Variants in MGAT4C observed in about 807,000 individuals in gnomAD.
MGAT4C encodes alpha-1,3-mannosyl-glycoprotein 4-beta-N-acetylglucosaminyltransferase C.
A neutral mutation model predicts 40.1 loss-of-function variants in MGAT4C; 19 were observed. The observed-to-expected ratio is 0.47, with a 90% CI of 0.33 to 0.70. The LOEUF (loss-of-function observed/expected upper bound fraction) is 0.70, where lower values mean the gene tolerates loss of function less well. Ranked by LOEUF, MGAT4C falls within the 30% of genes least tolerant of loss-of-function variation. The probability of loss-of-function intolerance (pLI) is 0.02; values close to 1 mark genes in which losing one functional copy is unlikely to be tolerated. For missense variants in MGAT4C, 491 were observed against 563.2 expected, an observed-to-expected ratio of 0.87 and a Z score of 1.30; for synonymous variants, 181 against 187.1, an observed-to-expected ratio of 0.97 and a Z score of 0.27.
At chr12:86,235,637 T>C (rs2136027948) in intron 1 of MGAT4C, among the ~76,000 whole-genome samples, 1 of 152,232 alleles carries the variant, frequency 6.6e-6, no homozygotes, top group South Asian at 2.1e-4. Context: ...TGCCATATCA[T>C]TGTACTTGGC....
At chr12:86,769,572 T>G (rs910042026) in intron 1 of MGAT4C, among the ~76,000 whole-genome samples, 1 of 152,156 alleles carries the variant, frequency 6.6e-6, no homozygotes, top group Non-Finnish European at 1.5e-5. Flanking sequence ...ACACGTATGT[T>G]TATTGCAGCA....
At chr12:86,361,279 C>A (rs1421839648) in intron 3 of MGAT4C, among the ~76,000 whole-genome samples, 1 of 152,110 alleles carries the variant, frequency 6.6e-6, no homozygotes, top group African/African-American at 2.4e-5. Flanking sequence ...TACTGGCTAG[C>A]CATACGTAGA....
chr12:86,748,754 A>AT (rs1039506639), intron 1 of MGAT4C, among the ~76,000 whole-genome samples: 11 of 151,614 alleles, frequency 7.3e-5, no homozygotes, highest in African/African-American at 7.2e-5. Context: ...CTAGAGTTGG[A>AT]TTTTTTTTAA....
chr12:86,453,590 G>T (rs1957461813), intron 2 of MGAT4C, among the ~76,000 whole-genome samples: 1 of 151,996 alleles, frequency 6.6e-6, no homozygotes, highest in African/African-American at 2.4e-5. Context: ...ATGACATTGA[G>T]AACTTGACTC....
intron 1 of MGAT4C, among the ~76,000 whole-genome samples, chr12:86,076,326 G>A (rs1032129973): frequency 6.6e-6 from 1 of 152,002 alleles, no homozygotes; most frequent in African/African-American, 2.4e-5. Context: ...CAGCATTTTG[G>A]GCAAAGTCAT....
chr12:86,810,887 A>G (rs1952458534), intron 1 of MGAT4C, among the ~76,000 whole-genome samples: 1 of 152,048 alleles, frequency 6.6e-6, no homozygotes, highest in African/African-American at 2.4e-5. Flanking sequence ...TCCCTCTTCT[A>G]AAATTGCTAA....
intron 1 of MGAT4C, among the ~76,000 whole-genome samples, chr12:86,154,527 A>G (rs1884674249): frequency 6.6e-6 from 1 of 152,190 alleles, no homozygotes; most frequent in Non-Finnish European, 1.5e-5. Flanking sequence ...TCTGTAAAAA[A>G]TAAACTTGCT....
chr12:86,824,058 G>C (rs1593241249), intron 1 of MGAT4C, among the ~76,000 whole-genome samples: 1 of 151,266 alleles, frequency 6.6e-6, no homozygotes, highest in Non-Finnish European at 1.5e-5. Context: ...CCACTGTCCT[G>C]CACCATCCTA....
chr12:86,672,617 AGGAC>A (rs1964286702), intron 2 of MGAT4C, among the ~76,000 whole-genome samples: 1 of 152,190 alleles, frequency 6.6e-6, no homozygotes, highest in Non-Finnish European at 1.5e-5. Context: ...AGAAATTCAA[AGGAC>A]CATTAGTGGA....
rs1367237026 is a variant in MGAT4C at position 86,642,056 on chromosome 12, A to C, written c.-229+85153T>G. 2.0e-5 allele frequency among the ~76,000 whole-genome samples: 3 copies of C among 151,990 alleles called. No individual in the cohort carries two copies. In the East Asian group the frequency reaches 5.8e-4, roughly 30 times the overall value. On this transcript the variant is annotated intron_variant, in intron 2 of 7. Transcript: ENST00000548651. Reference sequence around the variant, plus strand: ...CATGCTACTTAAAAATGCAAGAACGAAATAGGAATGACAAATAGAAAGAGA... The same window carrying C: ...CATGCTACTTAAAAATGCAAGAACGCAATAGGAATGACAAATAGAAAGAGA...
intron 1 of MGAT4C, among the ~76,000 whole-genome samples, chr12:86,830,183 C>T (rs1952893922): frequency 6.6e-6 from 1 of 151,480 alleles, no homozygotes; most frequent in Non-Finnish European, 1.5e-5. Flanking sequence ...GTCAGTCCAT[C>T]CATCTCTTTC....
chr12:86,528,261 A>C (rs1958918606), intron 2 of MGAT4C, among the ~76,000 whole-genome samples: 1 of 152,044 alleles, frequency 6.6e-6, no homozygotes, highest in Non-Finnish European at 1.5e-5. Context: ...AGTAATTATA[A>C]TGTTGGTCTC....
intron 1 of MGAT4C, among the ~76,000 whole-genome samples, chr12:86,220,736 A>G (rs917223058): frequency 6.6e-6 from 1 of 152,184 alleles, no homozygotes; most frequent in Non-Finnish European, 1.5e-5. Flanking sequence ...TGGACTAAAT[A>G]TTCTGACAGT....
At chr12:86,588,082 G>T (rs1377180367) in intron 2 of MGAT4C, among the ~76,000 whole-genome samples, 1 of 151,676 alleles carries the variant, frequency 6.6e-6, no homozygotes, top group East Asian at 2.0e-4. Context: ...ATTGGCTGTG[G>T]GTCTGTCATA....
At chr12:86,634,828 C>T (rs1191974515) in intron 2 of MGAT4C, among the ~76,000 whole-genome samples, 1 of 152,122 alleles carries the variant, frequency 6.6e-6, no homozygotes, top group Admixed American at 6.6e-5. Context: ...TTTCCATATT[C>T]TTTACCATAT....
chr12:86,707,090 C>T (rs1950471660), intron 2 of MGAT4C, among the ~76,000 whole-genome samples: 1 of 152,144 alleles, frequency 6.6e-6, no homozygotes, highest in Non-Finnish European at 1.5e-5. Context: ...AACCTCTCTC[C>T]TTTGTAAATT....
At chr12:86,284,247 G>A (rs1953290454) in intron 4 of MGAT4C, among the ~76,000 whole-genome samples, 1 of 151,624 alleles carries the variant, frequency 6.6e-6, no homozygotes, top group African/African-American at 2.4e-5. Flanking sequence ...TAAAAATAAA[G>A]GTATCCTTTA....
intron 3 of MGAT4C, among the ~76,000 whole-genome samples, chr12:86,377,730 T>A (rs1035848761): frequency 6.6e-6 from 1 of 152,188 alleles, no homozygotes; most frequent in Non-Finnish European, 1.5e-5. Context: ...CTTAACAGTT[T>A]TTAAGTATGC....
At chr12:86,572,823 A>C (rs908366466) in intron 2 of MGAT4C, among the ~76,000 whole-genome samples, 1 of 151,686 alleles carries the variant, frequency 6.6e-6, no homozygotes, top group African/African-American at 2.4e-5. Context: ...TCAATTATCA[A>C]ATCATCTCTC....
Sources: gnomAD v4.1 joint callset for allele counts (sites outside exome capture counted in the v4.1 genomes callset) on GRCh38, gnomAD v4.1.1 for gene constraint, MANE v1.5 for transcripts, NCBI Gene and HGNC (gene_info 2026-07-23, HGNC 2026-07-21) for gene names.